Variants in MAP3K5 observed in about 807,000 individuals in gnomAD.
MAP3K5 encodes mitogen-activated protein kinase kinase kinase 5.
MAP3K5 carries 56 observed loss-of-function variants against 158.7 expected under a neutral mutation model. That is an observed-to-expected ratio of 0.35 (90% CI 0.28 to 0.44). The LOEUF (loss-of-function observed/expected upper bound fraction) is 0.44, where lower values mean the gene tolerates loss of function less well. Among genes scored for constraint, MAP3K5 ranks in the 20% least tolerant of loss-of-function variants. The probability of loss-of-function intolerance (pLI) is 1.00; values close to 1 mark genes in which losing one functional copy is unlikely to be tolerated. For missense variants in MAP3K5, 1,294 were observed against 1,674.8 expected, an observed-to-expected ratio of 0.77 and a Z score of 3.97; for synonymous variants, 579 against 601.7, an observed-to-expected ratio of 0.96 and a Z score of 0.55.
Position 136,592,159 on chromosome 6 carries a change from G to T in MAP3K5, c.3225+14C>A, listed in dbSNP as rs148333891. 3.0e-4 allele frequency: 466 copies of T among 1,554,912 alleles called. 5 individuals carry two copies. The East Asian group carries it at 7.4e-3, about 25-fold the overall frequency. The stretch of plus-strand genomic sequence containing the variant: ...GTAACCTTTGGGAAATGAAGCACCT[G>T]GGAGAGGATTTACCTGAGCTAAAGA... On this transcript the variant is annotated intron_variant, in intron 23 of 29. Coordinates refer to ENST00000359015, the MANE Select transcript of MAP3K5 (RefSeq NM_005923.4).
intron 8 of MAP3K5, among the ~76,000 whole-genome samples, chr6:136,667,296 C>A (rs545781253): frequency 6.6e-6 from 1 of 152,124 alleles, no homozygotes; most frequent in East Asian, 1.9e-4. Flanking sequence ...ATTTTTAGAA[C>A]ACTGATATAG....
chr6:136,611,107 CAAAAAAAAA>C (rs59508317), intron 18 of MAP3K5, among the ~76,000 whole-genome samples, 166 bp downstream of exon 18: 10 of 24,430 alleles, frequency 4.1e-4, no homozygotes, highest in Non-Finnish European at 5.1e-4. Context: ...GACCCTGTCT[CAAAAAAAAA>C]AAAAAAAAAA....
chr6:136,587,430 C>T lies in MAP3K5; in HGVS notation c.3226-3690G>A, dbSNP rs553397054. Reference sequence around the variant, plus strand: ...TCACAATCTCAGTTACTCCTGATAGCAAGCTTATAAAGTAGACTCCTCTAT... The same window carrying T: ...TCACAATCTCAGTTACTCCTGATAGTAAGCTTATAAAGTAGACTCCTCTAT... On this transcript the variant is annotated intron_variant, in intron 23 of 29. Coordinates refer to ENST00000359015, the MANE Select transcript of MAP3K5 (RefSeq NM_005923.4). Among the ~76,000 whole-genome samples the T allele has an allele frequency of 6.2e-4, 94 of 152,292 alleles. 2 individuals carry two copies. In the South Asian group the frequency reaches 0.018, roughly 30 times the overall value.
At chr6:136,562,344 TA>T (rs1830551865) in intron 27 of MAP3K5, among the ~76,000 whole-genome samples, 158 bp downstream of exon 27, 1 of 152,160 alleles carries the variant, frequency 6.6e-6, no homozygotes, top group Admixed American at 6.5e-5. Flanking sequence ...TTGCTACAGT[TA>T]AAAACTGGAT....
At chr6:136,744,378 T>TAC (rs1208880282) in intron 1 of MAP3K5, among the ~76,000 whole-genome samples, 10 of 146,694 alleles carry the variant, frequency 6.8e-5, no homozygotes, top group African/African-American at 2.8e-4. Flanking sequence ...CATACATATA[T>TAC]ACATATATAT....
chr6:136,779,179 A>G (rs1340007515), intron 1 of MAP3K5, among the ~76,000 whole-genome samples: 5 of 152,106 alleles, frequency 3.3e-5, no homozygotes, highest in African/African-American at 1.2e-4. Flanking sequence ...CCTGGGAGGC[A>G]GAGGTTGCAG....
chr6:136,775,662 C>T (rs1408036253), intron 1 of MAP3K5, among the ~76,000 whole-genome samples: 2 of 152,206 alleles, frequency 1.3e-5, no homozygotes, highest in South Asian at 2.1e-4. Context: ...ACATCCACTC[C>T]TGCAAACTTA....
intron 23 of MAP3K5, among the ~76,000 whole-genome samples, chr6:136,585,460 T>TTTTCTTTTCTTTTCTC (rs1775086450): frequency 7.0e-6 from 1 of 141,868 alleles, no homozygotes; most frequent in Admixed American, 7.7e-5. Flanking sequence ...TATTGCTTCC[T>TTTTCTTTTCTTTTCTC]TTCTTTTCTT....
chr6:136,671,110 T>C (rs1435237278), intron 7 of MAP3K5, among the ~76,000 whole-genome samples: 2 of 152,206 alleles, frequency 1.3e-5, no homozygotes, highest in African/African-American at 4.8e-5. Context: ...TACCAATTCA[T>C]ATCAAGATAC....
intron 9 of MAP3K5, among the ~76,000 whole-genome samples, chr6:136,658,843 C>T (rs1778880859): frequency 1.3e-5 from 2 of 152,140 alleles, no homozygotes; most frequent in Admixed American, 6.5e-5. Flanking sequence ...ACAGAGGAAA[C>T]AAAGGGCATA....
At chr6:136,593,204 T>G (rs1380534236) in intron 21 of MAP3K5, among the ~76,000 whole-genome samples, 1 of 152,228 alleles carries the variant, frequency 6.6e-6, no homozygotes, top group Non-Finnish European at 1.5e-5. Flanking sequence ...TGGAAACAGA[T>G]GGACTAGATG....
intron 17 of MAP3K5, 65 bp from the exon 18 acceptor site, chr6:136,611,452 G>T: frequency 1.1e-6 from 1 of 876,124 alleles, no homozygotes; most frequent in Non-Finnish European, 1.8e-6. Context: ...TTGTTGACTT[G>T]GTAAGTCCAA....
chr6:136,757,735 C>T (rs1388994789), intron 1 of MAP3K5, among the ~76,000 whole-genome samples: 2 of 151,770 alleles, frequency 1.3e-5, no homozygotes, highest in South Asian at 2.1e-4. Flanking sequence ...TACAGGCATG[C>T]GCCACCACAC....
chr6:136,678,172 A>T (rs548568383), intron 7 of MAP3K5, among the ~76,000 whole-genome samples: 2 of 152,132 alleles, frequency 1.3e-5, no homozygotes, highest in East Asian at 3.9e-4. Flanking sequence ...TGTTTTTAAT[A>T]AAAGGGAGTT....
chr6:136,723,841 A>G (rs1481740794), intron 1 of MAP3K5, among the ~76,000 whole-genome samples: 1 of 152,144 alleles, frequency 6.6e-6, no homozygotes, highest in Non-Finnish European at 1.5e-5. Context: ...TTCCCCCCTC[A>G]AGGCTAAAAA....
intron 1 of MAP3K5, among the ~76,000 whole-genome samples, chr6:136,783,712 G>C (rs569393791): frequency 8.5e-4 from 129 of 152,298 alleles, no homozygotes; most frequent in African/African-American, 3.0e-3. Flanking sequence ...TGGCCTCCTG[G>C]GAGGGGCCAT....
At chr6:136,780,638 C>T (rs1333526375) in intron 1 of MAP3K5, among the ~76,000 whole-genome samples, 1 of 152,032 alleles carries the variant, frequency 6.6e-6, no homozygotes, top group Non-Finnish European at 1.5e-5. Flanking sequence ...TAGAAAGGAG[C>T]TTTTAGTTTT....
chr6:136,736,755 G>A (rs1444076604), intron 1 of MAP3K5, among the ~76,000 whole-genome samples: 2 of 152,008 alleles, frequency 1.3e-5, no homozygotes, highest in East Asian at 3.9e-4. Context: ...CAATGGTATG[G>A]TCATAGCTCA....
At chr6:136,772,592 C>T (rs913355787) in intron 1 of MAP3K5, among the ~76,000 whole-genome samples, 2 of 152,116 alleles carry the variant, frequency 1.3e-5, no homozygotes, top group African/African-American at 4.8e-5. Flanking sequence ...AATCTACTGA[C>T]AGCAGCCCTC....
Sources: gnomAD v4.1 joint callset for allele counts (sites outside exome capture counted in the v4.1 genomes callset) on GRCh38, gnomAD v4.1.1 for gene constraint, MANE v1.5 for transcripts, NCBI Gene and HGNC (gene_info 2026-07-23, HGNC 2026-07-21) for gene names.